Variants in EML6 observed in about 807,000 individuals in gnomAD.
The protein encoded by EML6 is echinoderm microtubule-associated protein-like 6.
Under a neutral mutation model 240.1 loss-of-function variants are expected in EML6, and 154 were observed. The ratio of observed to expected loss-of-function variants is 0.64; its 90% CI spans 0.56 to 0.73. The LOEUF (loss-of-function observed/expected upper bound fraction) is 0.73, where lower values mean the gene tolerates loss of function less well. Among genes scored for constraint, EML6 ranks in the 30% least tolerant of loss-of-function variants. The pLI, the probability that EML6 is intolerant of heterozygous loss-of-function variation, is 0.00. For synonymous variants in EML6, 1,148 were observed against 899.0 expected (o/e 1.28, Z -4.95); for missense variants, 2,964 against 2,474.6 (o/e 1.20, Z -4.20).
intron 19 of EML6, among the ~76,000 whole-genome samples, chr2:54,892,973 C>T (rs777618294): frequency 6.6e-5 from 10 of 152,158 alleles, no homozygotes; most frequent in Non-Finnish European, 1.2e-4. Context: ...CTGAGAAATA[C>T]TTCAGCATTG....
At chr2:54,915,109 C>G (rs1267996864) in intron 25 of EML6, among the ~76,000 whole-genome samples, 1 of 152,214 alleles carries the variant, frequency 6.6e-6, no homozygotes, top group Non-Finnish European at 1.5e-5. Context: ...GCATTTTCAA[C>G]AAGTTTATTT....
intron 26 of EML6, among the ~76,000 whole-genome samples, chr2:54,925,839 C>T (rs1674515606): frequency 1.3e-5 from 2 of 152,176 alleles, no homozygotes; most frequent in South Asian, 4.1e-4. Context: ...CCTTCCGAAC[C>T]TAGACCCTTT....
At position 54,744,962 on chromosome 2, in the gene EML6, A is replaced by ACACACC. The variant is rs1553370078; in HGVS notation, c.197+19705_197+19706insACACCC. Among the ~76,000 whole-genome samples the ACACACC allele has an allele frequency of 9.1e-4, 78 of 86,022 alleles. 2 individuals are homozygous for ACACACC. Among genetic ancestry groups the ACACACC allele is most frequent in the Non-Finnish European group, 1.7e-3 (63 of 37,874 alleles). 56.4% of individuals were successfully genotyped at this position (86,022 alleles called of 152,430 possible). On this transcript the variant is annotated intron_variant, in intron 2 of 41. Transcript: ENST00000356458. ...CACACACACACACACACACACACAC[A>ACACACC]CCCTGCCATGCAGGCCTTCCCAGTG...
chr2:54,748,760 G>A (rs1485410070), intron 2 of EML6, among the ~76,000 whole-genome samples: 1 of 152,032 alleles, frequency 6.6e-6, no homozygotes, highest in African/African-American at 2.4e-5. Context: ...ACAGGGTCTT[G>A]CTTTGTTGCC....
chr2:54,881,486 C>T (rs1226937658), intron 17 of EML6: 1 of 151,812 alleles, frequency 6.6e-6, no homozygotes, highest in Non-Finnish European at 1.5e-5. Flanking sequence ...GAAACCCCGT[C>T]TTTACTAAAA....
intron 7 of EML6, among the ~76,000 whole-genome samples, chr2:54,842,868 T>C (rs1669538228): frequency 6.6e-6 from 1 of 152,228 alleles, no homozygotes; most frequent in African/African-American, 2.4e-5. Flanking sequence ...GTGGAGAAGA[T>C]TCCATAAATT....
intron 2 of EML6, among the ~76,000 whole-genome samples, chr2:54,728,462 G>A (rs1683007048): frequency 1.3e-5 from 2 of 152,168 alleles, no homozygotes; most frequent in Non-Finnish European, 2.9e-5. Flanking sequence ...ATTTGCAAAG[G>A]AGGTTTATGT....
At chr2:54,968,556 G>T (rs1459093303) in intron 40 of EML6, 112 bp from the exon 41 acceptor site, 3 of 729,216 alleles carry the variant, frequency 4.1e-6, no homozygotes, top group African/African-American at 1.7e-5. Context: ...CCAAATGGAA[G>T]TCCCCAGTGA....
chr2:54,861,014 G>T (rs945927074), intron 12 of EML6, among the ~76,000 whole-genome samples: 1 of 152,196 alleles, frequency 6.6e-6, no homozygotes, highest in Admixed American at 6.5e-5. Flanking sequence ...TTGGAGCAGT[G>T]CAGAAAAAGG....
intron 13 of EML6, among the ~76,000 whole-genome samples, chr2:54,864,191 G>A (rs1670840800): frequency 6.6e-6 from 1 of 152,182 alleles, no homozygotes; most frequent in Admixed American, 6.5e-5. Flanking sequence ...AAATGTGCAA[G>A]TAAGCCATAG....
At chr2:54,797,983 C>A (rs903236172) in intron 2 of EML6, among the ~76,000 whole-genome samples, 14 of 151,816 alleles carry the variant, frequency 9.2e-5, no homozygotes, top group Non-Finnish European at 1.9e-4. Flanking sequence ...ATTCTAGGAC[C>A]CTTGTACTTC....
chr2:54,894,624 C>T (rs2104131944), intron 19 of EML6, among the ~76,000 whole-genome samples: 1 of 151,292 alleles, frequency 6.6e-6, no homozygotes, highest in East Asian at 1.9e-4. Flanking sequence ...GGTTGGGAGA[C>T]TGGGCACAAG....
chr2:54,917,272 C>T (rs1380189714), intron 26 of EML6, among the ~76,000 whole-genome samples: 6 of 152,102 alleles, frequency 3.9e-5, no homozygotes, highest in Non-Finnish European at 5.9e-5. Context: ...TATCACACAG[C>T]ACCCCAACTG....
chr2:54,825,755 C>G (rs1012937424), intron 5 of EML6, among the ~76,000 whole-genome samples: 1 of 152,182 alleles, frequency 6.6e-6, no homozygotes, highest in African/African-American at 2.4e-5. Flanking sequence ...GACAGCCCCC[C>G]ACCCCCAGCT....
At chr2:54,829,511 G>C (rs1668758599) in intron 7 of EML6, 34 bp downstream of exon 7, 1 of 1,503,936 alleles carries the variant, frequency 6.6e-7, no homozygotes, top group Non-Finnish European at 9.0e-7. Flanking sequence ...TGTAACTCTG[G>C]ATGTGAAATA....
At chr2:54,805,893 T>TA (rs1670446189) in intron 2 of EML6, among the ~76,000 whole-genome samples, 1 of 152,198 alleles carries the variant, frequency 6.6e-6, no homozygotes, top group Non-Finnish European at 1.5e-5. Flanking sequence ...CAGCACTGTC[T>TA]GTTGAAAAAC....
chr2:54,789,413 C>T (rs996587269), intron 2 of EML6, among the ~76,000 whole-genome samples: 51 of 144,292 alleles, frequency 3.5e-4, no homozygotes, highest in Middle Eastern at 3.8e-3. Flanking sequence ...ACTCGGGAGG[C>T]TGAGGCAGGA....
chr2:54,910,458 G>A (rs1245207847), intron 24 of EML6, among the ~76,000 whole-genome samples: 1 of 152,220 alleles, frequency 6.6e-6, no homozygotes, highest in Non-Finnish European at 1.5e-5. Context: ...GGGAAGGAAT[G>A]AGCATTTATA....
At chr2:54,808,997 A>G (rs925975926) in intron 2 of EML6, among the ~76,000 whole-genome samples, 2 of 152,184 alleles carry the variant, frequency 1.3e-5, no homozygotes, top group East Asian at 1.9e-4. Context: ...TCAAAACTTG[A>G]TCCTTTTTTT....
Sources: gnomAD v4.1 joint callset for allele counts (sites outside exome capture counted in the v4.1 genomes callset) on GRCh38, gnomAD v4.1.1 for gene constraint, MANE v1.5 for transcripts, NCBI Gene and HGNC (gene_info 2026-07-23, HGNC 2026-07-21) for gene names.